Variants in DGUOK observed in about 807,000 individuals in gnomAD.
The protein encoded by DGUOK is deoxyguanosine kinase, mitochondrial.
In DGUOK, 30 loss-of-function variants were observed where a neutral mutation model predicts 36.6. That is an observed-to-expected ratio of 0.82 (90% CI 0.61 to 1.11). The LOEUF (loss-of-function observed/expected upper bound fraction) is 1.11. DGUOK is among the 50% of genes most tolerant of loss of function. The probability of loss-of-function intolerance (pLI) is 0.00; values close to 1 mark genes in which losing one functional copy is unlikely to be tolerated. For missense variants in DGUOK, 361 were observed against 336.4 expected (o/e 1.07, Z -0.57); for synonymous variants, 145 against 126.3 (o/e 1.15, Z -0.99).
At chr2:73,957,395 T>C (rs147412257) in intron 5 of DGUOK, among the ~76,000 whole-genome samples, 155 bp downstream of exon 5, 23 of 152,324 alleles carry the variant, frequency 1.5e-4, no homozygotes, top group African/African-American at 5.3e-4. Context: ...AGAAGTTTAA[T>C]ATTGCTGGAC....
At chr2:73,953,449 G>A (rs1176049936) in intron 4 of DGUOK, among the ~76,000 whole-genome samples, 1 of 152,048 alleles carries the variant, frequency 6.6e-6, no homozygotes, top group Non-Finnish European at 1.5e-5. Context: ...GAGATTAGAT[G>A]GGGATTTTAA....
intron 1 of DGUOK, among the ~76,000 whole-genome samples, chr2:73,933,858 A>ATGAG (rs1288915248): frequency 1.3e-4 from 20 of 152,328 alleles, no homozygotes; most frequent in African/African-American, 4.8e-4. Context: ...TGTTGATTGA[A>ATGAG]TGAGTGAGTG....
At chr2:73,934,962 G>C (rs1366143619) in intron 1 of DGUOK, among the ~76,000 whole-genome samples, 1 of 151,726 alleles carries the variant, frequency 6.6e-6, no homozygotes. Flanking sequence ...AGTGGTCCCA[G>C]CTACTCAAGA....
At chr2:73,947,177 A>G in intron 3 of DGUOK, 2 of 460,858 alleles carry the variant, frequency 4.3e-6, no homozygotes, top group Admixed American at 6.6e-5. Context: ...ATTTTCTGGC[A>G]TGGAGCAAGC....
chr2:73,932,202 G>A (rs1325512925), intron 1 of DGUOK, among the ~76,000 whole-genome samples: 2 of 152,128 alleles, frequency 1.3e-5, no homozygotes, highest in African/African-American at 4.8e-5. Flanking sequence ...AGGGTGATGC[G>A]AAGTGGAATG....
At chr2:73,927,086 C>T (rs755206476) in intron 1 of DGUOK, 34 bp downstream of exon 1, 1 of 1,603,572 alleles carries the variant, frequency 6.2e-7, no homozygotes. Context: ...AAGCCTTGGC[C>T]TCCGCCACGC....
At chr2:73,953,719 CTTTTTTTTT>C (rs386390474) in intron 4 of DGUOK, among the ~76,000 whole-genome samples, 20 of 95,786 alleles carry the variant, frequency 2.1e-4, no homozygotes, top group South Asian at 1.2e-3. Flanking sequence ...TCCCTAACTT[CTTTTTTTTT>C]TTTTTTTTTT....
intron 2 of DGUOK, among the ~76,000 whole-genome samples, chr2:73,942,721 A>G (rs1020703054): frequency 6.6e-6 from 1 of 152,214 alleles, no homozygotes; most frequent in African/African-American, 2.4e-5. Context: ...CATTGGGTAG[A>G]ACTTCCAGAG....
intron 3 of DGUOK, among the ~76,000 whole-genome samples, chr2:73,948,197 C>T (rs6546878): frequency 2.6e-4 from 39 of 152,156 alleles, no homozygotes; most frequent in African/African-American, 8.7e-4. Context: ...TCTCGGACTC[C>T]GAAGTTGAAT....
chr2:73,939,324 G>A (rs1016345071), intron 2 of DGUOK, among the ~76,000 whole-genome samples: 1 of 152,128 alleles, frequency 6.6e-6, no homozygotes. Flanking sequence ...CTACACTTAA[G>A]TATTTATATT....
intron 2 of DGUOK, among the ~76,000 whole-genome samples, chr2:73,944,920 TAGTC>T (rs561932578): frequency 5.6e-4 from 85 of 151,346 alleles, no homozygotes; most frequent in African/African-American, 2.0e-3. Context: ...CTCCAGCTCT[TAGTC>T]AGGGGCCACG....
rs1682381484 is a variant in DGUOK at position 73,946,925 on chromosome 2, C to G, written c.443+19C>G. On this transcript the variant is annotated intron_variant, in intron 3 of 6. Coordinates refer to ENST00000264093, the MANE Select transcript of DGUOK (RefSeq NM_080916.3). ...GTGACAGGTAAAATGCCAAGCCCTC[C>G]ACCAGTCACAAGCCCCATGCTCAGT... The G allele has an allele frequency of 6.9e-6, 11 of 1,599,626 alleles. No individual in the cohort carries two copies. The highest frequency in any genetic ancestry group is 9.4e-6 in the Non-Finnish European group (11 of 1,172,706).
chr2:73,940,774 G>A (rs962612543), intron 2 of DGUOK, among the ~76,000 whole-genome samples: 6 of 152,184 alleles, frequency 3.9e-5, no homozygotes, highest in Non-Finnish European at 5.9e-5. Flanking sequence ...AGTAGCATGC[G>A]ATACAGCTTT....
At chr2:73,956,041 C>G (rs1019648604) in intron 4 of DGUOK, among the ~76,000 whole-genome samples, 2 of 152,104 alleles carry the variant, frequency 1.3e-5, no homozygotes, top group African/African-American at 4.8e-5. Context: ...CTGGCCTGTT[C>G]CCCAGGAAAG....
chr2:73,927,461 G>A (rs1036742701), intron 1 of DGUOK, among the ~76,000 whole-genome samples: 1 of 152,228 alleles, frequency 6.6e-6, no homozygotes, highest in Non-Finnish European at 1.5e-5. Context: ...TTTAGTGTGT[G>A]TCCAATGCAA....
intron 1 of DGUOK, among the ~76,000 whole-genome samples, 173 bp downstream of exon 1, chr2:73,927,225 T>C (rs536450655): frequency 6.6e-6 from 1 of 152,340 alleles, no homozygotes; most frequent in South Asian, 2.1e-4. Context: ...GCCTCCTTGT[T>C]TTTAGGATAT....
intron 4 of DGUOK, among the ~76,000 whole-genome samples, chr2:73,953,814 G>A (rs1004062432): frequency 1.3e-5 from 2 of 149,836 alleles, no homozygotes; most frequent in Admixed American, 1.3e-4. Flanking sequence ...CGCCTCCCGG[G>A]TTCACAGCAT....
At chr2:73,954,877 T>G (rs956735931) in intron 4 of DGUOK, among the ~76,000 whole-genome samples, 1 of 152,226 alleles carries the variant, frequency 6.6e-6, no homozygotes, top group African/African-American at 2.4e-5. Context: ...CCTGTTCACA[T>G]TCAGGTGTGT....
intron 4 of DGUOK, among the ~76,000 whole-genome samples, chr2:73,954,895 A>G (rs1025093822): frequency 2.0e-5 from 3 of 152,162 alleles, no homozygotes; most frequent in African/African-American, 7.2e-5. Context: ...TGTCTTCCTC[A>G]TGAGGACTGA....
Sources: allele counts gnomAD v4.1 joint callset (sites outside exome capture counted in the v4.1 genomes callset), GRCh38; gene constraint gnomAD v4.1.1; transcripts MANE v1.5; gene names NCBI Gene and HGNC (gene_info 2026-07-23, HGNC 2026-07-21).